MGST2: variants seen among roughly 807,000 people sequenced by gnomAD.
MGST2 encodes the protein glutathione peroxidase MGST2.
A neutral mutation model predicts 16.6 loss-of-function variants in MGST2; 9 were observed. That is an observed-to-expected ratio of 0.54 (90% confidence interval 0.33 to 0.95). The LOEUF (loss-of-function observed/expected upper bound fraction) is 0.95. MGST2 is among the 40% of genes least tolerant of loss of function. The probability of loss-of-function intolerance (pLI) is 0.03; values close to 1 mark genes in which losing one functional copy is unlikely to be tolerated. For synonymous variants in MGST2, 79 were observed against 68.0 expected, an observed-to-expected ratio of 1.16 and a Z score of -0.79; for missense variants, 159 against 175.1, an observed-to-expected ratio of 0.91 and a Z score of 0.52.
At chr4:139,747,379 A>AG in the MGST2 span, among the ~76,000 whole-genome samples, 4 of 152,178 alleles carry the variant, frequency 2.6e-5, no homozygotes. Context: ...AATGAATTCT[A>AG]GGGGGAAGAA....
rs1728881172 is a variant in MGST2, at chr4:139,735,082, G to C, written c.*49-5130G>C. 1.3e-5 allele frequency among the ~76,000 whole-genome samples: 2 copies of C among 152,284 alleles called. No homozygotes were observed. The highest frequency in any genetic ancestry group is 2.9e-5 in the Non-Finnish European group (2 of 68,010). ...TCCCGCCCGCCCCTCCGCGGCCCCC[G>C]CCCCGCGCGTCTGGGCGAGCGCTGC... is the stretch of plus-strand genomic sequence containing the variant. On this transcript the variant is annotated intron_variant, in intron 5 of 5. Coordinates refer to the MGST2 transcript ENST00000616265. This position sits in a 1 kb window ranked among gnomAD's most constrained non-coding sequence, Gnocchi z 5.8.
rs530813818 is a variant in MGST2 at position 139,701,453 on chromosome 4, C to T, written c.230-2002C>T. 2.5e-4 allele frequency among the ~76,000 whole-genome samples: 38 copies of T among 152,280 alleles called. 1 individual carries two copies. In the South Asian group the frequency reaches 7.9e-3, roughly 32 times the overall value. ...GTGGTGCCGATACAGATGTCATCCC[C>T]TCCAGAGGCCTTCCTATACCCCATT... On this transcript the variant is annotated intron_variant, in intron 3 of 4. Coordinates refer to ENST00000265498, the MANE Select transcript of MGST2 (RefSeq NM_002413.5).
chr4:139,698,480 G>A (rs202057827), intron 3 of MGST2: 15 of 1,186,090 alleles, frequency 1.3e-5, no homozygotes, highest in East Asian at 4.7e-5. Context: ...TCTTGCGAGC[G>A]GCTTTTGTAG....
intron 5 of MGST2, chr4:139,719,181 A>C: frequency 1.1e-6 from 1 of 928,024 alleles, no homozygotes; most frequent in Non-Finnish European, 1.6e-6. Flanking sequence ...TGGCACCTGG[A>C]TCTTCCATTG....
rs762968624 is a variant in MGST2 at position 139,692,626 on chromosome 4, C to T, written c.159-2571C>T. On this transcript the variant is annotated intron_variant, in intron 2 of 4. Transcript: ENST00000265498. ...AATCTCACCAAGTTTTTCATGAGGA[C>T]GATCCGTCAGCATCTGTTCTGGTCT... Among the ~76,000 whole-genome samples, 95 of 152,332 alleles carry T rather than the reference C, an allele frequency of 6.2e-4. 1 individual carries two copies. The highest frequency in any genetic ancestry group is 6.2e-4 in the South Asian group (3 of 4,828).
intron 2 of MGST2, among the ~76,000 whole-genome samples, chr4:139,688,889 T>C (rs939558531): frequency 1.3e-5 from 2 of 152,104 alleles, no homozygotes; most frequent in Admixed American, 6.5e-5. Flanking sequence ...GGTGGATCAC[T>C]TGAGGTCAGG....
At chr4:139,717,923 A>T (rs957866779) in intron 5 of MGST2, 3 of 152,196 alleles carry the variant, frequency 2.0e-5, no homozygotes, top group Non-Finnish European at 2.9e-5. Flanking sequence ...GAACAACTGT[A>T]CAGGACTTTG....
intron 5 of MGST2, chr4:139,719,570 C>G: frequency 6.2e-7 from 1 of 1,613,530 alleles, no homozygotes; most frequent in Non-Finnish European, 8.5e-7. Context: ...CGCTGGCATG[C>G]CTGGGACTCC....
intron 3 of MGST2, among the ~76,000 whole-genome samples, chr4:139,696,120 A>T (rs1292734642): frequency 1.3e-5 from 2 of 152,230 alleles, no homozygotes; most frequent in Non-Finnish European, 2.9e-5. Context: ...GGACCATCAT[A>T]AAGGTCTTCA....
intron 3 of MGST2, among the ~76,000 whole-genome samples, chr4:139,696,529 A>G (rs1364116503): frequency 6.6e-6 from 1 of 152,124 alleles, no homozygotes; most frequent in East Asian, 1.9e-4. Flanking sequence ...GTCTCTACCA[A>G]GTCATCTTCT....
intron 2 of MGST2, among the ~76,000 whole-genome samples, chr4:139,682,956 C>G (rs1446694533): frequency 6.6e-6 from 1 of 152,210 alleles, no homozygotes; most frequent in African/African-American, 2.4e-5. Context: ...AGGTCACCAC[C>G]CACGAGCTGG....
rs768776123 is a variant in MGST2 at position 139,715,265 on chromosome 4, GTCTATT to G, written c.*48+11072_*48+11077del. ...CCAAAGTCTTCCAATCAGTGCTGCA[GTCTATT>G]TCCTTTGTGTTAGGGGGTGTCTCCC... On this transcript the variant is annotated intron_variant, in intron 5 of 5. Transcript: ENST00000616265. This position sits in a 1 kb window ranked among gnomAD's most constrained non-coding sequence, Gnocchi z 4.4. 2.0e-5 allele frequency among the ~76,000 whole-genome samples: 3 copies of G among 152,174 alleles called. No individual in the cohort carries two copies. Among genetic ancestry groups the G allele is most frequent in the Non-Finnish European group, 2.9e-5 (2 of 68,030 alleles).
chr4:139,743,414 C>T (rs535252480), downstream of MGST2, among the ~76,000 whole-genome samples: 2 of 152,340 alleles, frequency 1.3e-5, no homozygotes, highest in East Asian at 3.9e-4. Context: ...GTTTCTTGTA[C>T]TTTGGCCCAA....
chr4:139,729,156 C>CAAAAAAAAAAAAA (rs4057275), intron 5 of MGST2, among the ~76,000 whole-genome samples: 2 of 81,704 alleles, frequency 2.4e-5, no homozygotes, highest in Admixed American at 1.4e-4. Flanking sequence ...GGAACAAAAG[C>CAAAAAAAAAAAAA]AAAAAAAAAA....
intron 2 of MGST2, among the ~76,000 whole-genome samples, chr4:139,681,634 C>T (rs543069347): frequency 6.6e-6 from 1 of 152,224 alleles, no homozygotes; most frequent in South Asian, 2.1e-4. Flanking sequence ...AGTTTATTCT[C>T]TTATATTTGA....
the MGST2 span, among the ~76,000 whole-genome samples, chr4:139,747,739 ATACT>A: frequency 6.6e-6 from 1 of 151,434 alleles, no homozygotes. Context: ...TTGATTACTG[ATACT>A]TACTAAGAGT....
intron 1 of MGST2, among the ~76,000 whole-genome samples, chr4:139,669,103 G>A (rs377739388): frequency 2.2e-4 from 33 of 152,242 alleles, no homozygotes; most frequent in Middle Eastern, 3.4e-3. Flanking sequence ...TCCAAAGGGC[G>A]GAGGATATAA....
downstream of MGST2, among the ~76,000 whole-genome samples, chr4:139,709,070 A>ATTT: frequency 3.1e-5 from 2 of 65,314 alleles, no homozygotes; most frequent in South Asian, 1.6e-3. Context: ...CAATGGAAAA[A>ATTT]ATTTTTTTTT....
chr4:139,735,495 A>G lies in MGST2; in HGVS notation c.*49-4717A>G, dbSNP rs1374245891. On this transcript the variant is annotated intron_variant, in intron 5 of 5. Transcript: ENST00000616265. This position sits in a 1 kb window ranked among gnomAD's most constrained non-coding sequence, Gnocchi z 5.8. ...GGGGGGGGAGGGTGGCGGACACCAG[A>G]CCCCAGGGCCGACAGCCCGGGAGGG... 6.7e-6 allele frequency among the ~76,000 whole-genome samples: 1 copy of G among 149,318 alleles called. No homozygotes were observed. The highest frequency in any genetic ancestry group is 2.5e-5 in the African/African-American group (1 of 40,250).
Sources: allele counts gnomAD v4.1 joint callset (sites outside exome capture counted in the v4.1 genomes callset), GRCh38; gene constraint gnomAD v4.1.1; non-coding constraint Gnocchi (gnomAD v3.1); transcripts MANE v1.5; gene names NCBI Gene and HGNC (gene_info 2026-07-23, HGNC 2026-07-21).